The following ATP2B4 variants were observed in gnomAD, a reference collection of about 807,000 sequenced individuals.
ATP2B4 encodes ATPase plasma membrane Ca2+ transporting 4.
In ATP2B4, 39 loss-of-function variants were observed where a neutral mutation model predicts 110.3. The observed-to-expected ratio is 0.35, with a 90% CI of 0.27 to 0.46. The LOEUF is 0.46. ATP2B4 is among the 20% of genes least tolerant of loss of function. The pLI is 1.00. For missense variants in ATP2B4, 1,135 were observed against 1,530.9 expected, an observed-to-expected ratio of 0.74 and a Z score of 4.32; for synonymous variants, 538 against 571.7, an observed-to-expected ratio of 0.94 and a Z score of 0.84.
rs543147101 is a variant in ATP2B4, at chr1:203,655,642, T to A, written c.-464-27100T>A. 1.2e-4 allele frequency among the ~76,000 whole-genome samples: 18 copies of A among 151,714 alleles called. No individual in the cohort carries two copies. In the East Asian group the frequency reaches 3.1e-3, roughly 26 times the overall value. ...GCCTGGGCAACATAGCAAGACTCCA[T>A]CTCAAATAATAATAATAATAATAAA... On this transcript the variant is annotated intron_variant, in intron 1 of 20. Transcript: ENST00000357681.
At chr1:203,717,650 ATTTAT>A (rs1666199456) in intron 15 of ATP2B4, among the ~76,000 whole-genome samples, 1 of 150,530 alleles carries the variant, frequency 6.6e-6, no homozygotes, top group African/African-American at 2.4e-5. Context: ...TTATTTATTT[ATTTAT>A]TTATGAGACG....
chr1:203,700,293 T>C lies in ATP2B4; in HGVS notation c.737T>C (p.Val246Ala). 6.2e-7 allele frequency: 1 copy of C among 1,613,994 alleles called. No individual in the cohort carries two copies. Among genetic ancestry groups the C allele is most frequent in the East Asian group, 2.2e-5 (1 of 44,876 alleles). ...TCTCTGACAGGGGAATCTGACCATGTCAAGAAGTCCCTGGACAAAGACCCC... is the reference window on the plus strand; with the variant it reads ...TCTCTGACAGGGGAATCTGACCATGCCAAGAAGTCCCTGGACAAAGACCCC... Reference protein sequence around the residue: ...ESSLTGESDHVKKSLDKDPML... With the variant: ...ESSLTGESDHAKKSLDKDPML... Residue 246 changes from valine (V) to alanine (A), a missense_variant, in exon 5 of 21, where the codon GTC (valine) becomes GCC (alanine). Val to Ala is a moderately conservative substitution (Grantham distance 64). Coordinates refer to ENST00000357681, the MANE Select transcript of ATP2B4 (RefSeq NM_001684.5).
intron 2 of ATP2B4, among the ~76,000 whole-genome samples, chr1:203,689,720 C>T (rs1558035209): frequency 6.6e-6 from 1 of 152,314 alleles, no homozygotes; most frequent in South Asian, 2.1e-4. Flanking sequence ...ATGACAGGTG[C>T]AGTGCCTCCT....
At chr1:203,681,539 A>T (rs1445711621) in intron 1 of ATP2B4, among the ~76,000 whole-genome samples, 1 of 152,118 alleles carries the variant, frequency 6.6e-6, no homozygotes, top group East Asian at 1.9e-4. Flanking sequence ...GTCCCTTCAC[A>T]TTTAAAAGGC....
chr1:203,640,356 C>A (rs552829881), intron 1 of ATP2B4, among the ~76,000 whole-genome samples: 1 of 152,202 alleles, frequency 6.6e-6, no homozygotes, highest in African/African-American at 2.4e-5. Flanking sequence ...TCACTCCCAT[C>A]GCCCAGGCTG....
intron 2 of ATP2B4, among the ~76,000 whole-genome samples, chr1:203,692,647 G>A (rs1270690529): frequency 6.6e-6 from 1 of 152,188 alleles, no homozygotes; most frequent in African/African-American, 2.4e-5. Flanking sequence ...AGACAGCTGG[G>A]AAGTCCCTCC....
chr1:203,635,249 C>T (rs373514954), intron 1 of ATP2B4, among the ~76,000 whole-genome samples: 6 of 152,198 alleles, frequency 3.9e-5, no homozygotes, highest in Admixed American at 6.5e-5. Context: ...GCTGGGATTG[C>T]AGGTTTGAGC....
In ATP2B4 at chr1:203,672,324, C is replaced by CTT. The variant is rs57144862; in HGVS notation, c.-464-10387_-464-10386dup. ...TGTTCCTGAGTAAGTTGCGGTGGCT[C>CTT]TTTTTTTTTTTTTTTTTTTTTTTTT... On this transcript the variant is annotated intron_variant, in intron 1 of 20. Coordinates refer to ENST00000357681, the MANE Select transcript of ATP2B4 (RefSeq NM_001684.5). Among the ~76,000 whole-genome samples, 227 of 79,518 alleles carry CTT rather than the reference C, an allele frequency of 2.9e-3. 5 individuals are homozygous for CTT. Among genetic ancestry groups the CTT allele is most frequent in the African/African-American group, 8.1e-3 (141 of 17,396 alleles). The allele number at this position is 79,518 out of a possible 152,430, so 52.2% of individuals were successfully genotyped here.
At chr1:203,677,291 TC>T (rs1664856206) in intron 1 of ATP2B4, among the ~76,000 whole-genome samples, 1 of 152,140 alleles carries the variant, frequency 6.6e-6, no homozygotes, top group Admixed American at 6.5e-5. Flanking sequence ...CTAGTATGAC[TC>T]CTAGCACATG....
chr1:203,698,106 T>C (rs956216342), intron 2 of ATP2B4, 51 bp from the exon 3 acceptor site: 1 of 1,572,676 alleles, frequency 6.4e-7, no homozygotes, highest in Non-Finnish European at 8.7e-7. Context: ...CTGCCTTTTA[T>C]CATTTTCCTT....
intron 2 of ATP2B4, among the ~76,000 whole-genome samples, chr1:203,691,724 CTG>C (rs140196089): frequency 0.012 from 1,885 of 152,290 alleles, 46 homozygotes; most frequent in African/African-American, 0.043. Flanking sequence ...GTGTATTAAA[CTG>C]GAGGTGCTGA....
In ATP2B4 at chr1:203,707,172, G is replaced by T. The variant is rs749276236; in HGVS notation, c.1263G>T (p.Val421=). Residue 421 remains valine (V), a synonymous_variant, in exon 9 of 21, where the codon GTG becomes GTT. Coordinates refer to ENST00000357681, the MANE Select transcript of ATP2B4 (RefSeq NM_001684.5). ...IIGITVLVVA[V]PEGLPLAVTI... is the part of the protein sequence containing the mutation. ...GCATCACTGTACTGGTGGTGGCTGT[G>T]CCAGAGGGGCTGCCTCTGGCTGTCA... 7 of 1,613,968 alleles carry T rather than the reference G, an allele frequency of 4.3e-6. No individual in the cohort carries two copies.
chr1:203,674,537 G>T (rs1308924157), intron 1 of ATP2B4, among the ~76,000 whole-genome samples: 2 of 150,806 alleles, frequency 1.3e-5, no homozygotes, highest in Non-Finnish European at 2.9e-5. Flanking sequence ...GCAGTGGCAC[G>T]ATCTCAGCTC....
At position 203,721,941 on chromosome 1, in the gene ATP2B4, A is replaced by G. The variant is rs370983249; in HGVS notation, c.2812+531A>G. Among the ~76,000 whole-genome samples the G allele has an allele frequency of 1.1e-4, 16 of 152,214 alleles. No homozygotes were observed. In the South Asian group the frequency reaches 2.3e-3, roughly 22 times the overall value. ...CCCCCAGAGTGCTGGGATTACAGGCATGAGCCACCACGCCTGGCTTATTTC... is the reference window on the plus strand; with the variant it reads ...CCCCCAGAGTGCTGGGATTACAGGCGTGAGCCACCACGCCTGGCTTATTTC... On this transcript the variant is annotated intron_variant, in intron 17 of 20. Coordinates refer to ENST00000357681, the MANE Select transcript of ATP2B4 (RefSeq NM_001684.5).
rs1665939965 is a variant in ATP2B4 at position 203,709,405 on chromosome 1, T to C, written c.1662T>C (p.Arg554=). 1 of 1,614,224 alleles carries C rather than the reference T, an allele frequency of 6.2e-7. No homozygotes were observed. Among genetic ancestry groups the C allele is most frequent in the Non-Finnish European group, 8.5e-7 (1 of 1,180,038 alleles). The change falls in exon 11 of 21, where the codon CGT becomes CGC. Residue 554 remains arginine, a synonymous_variant. Transcript: ENST00000357681. ...TGAAGCAGGATTATCAGGCTGTGCG[T>C]AATGAAGTGCCCGAGGAGAAGCTCT... ...TDLKQDYQAV[R]NEVPEEKLYK... is the part of the protein sequence containing the mutation.
At chr1:203,676,850 G>C (rs1271047390) in intron 1 of ATP2B4, among the ~76,000 whole-genome samples, 1 of 152,230 alleles carries the variant, frequency 6.6e-6, no homozygotes, top group South Asian at 2.1e-4. Flanking sequence ...GGGGAAGGGA[G>C]GGTGTCTGCT....
Position 203,709,461 on chromosome 1 carries a change from A to T in ATP2B4, c.1718A>T (p.Lys573Met). 1 of 1,614,206 alleles carries T rather than the reference A, an allele frequency of 6.2e-7. No homozygotes were observed. The highest frequency in any genetic ancestry group is 8.5e-7 in the Non-Finnish European group (1 of 1,180,032). Residue 573 changes from lysine to methionine, a missense_variant, in exon 11 of 21, where the codon AAG becomes ATG. Lys to Met is a moderately conservative substitution (Grantham distance 95, BLOSUM62 -1). Coordinates refer to ENST00000357681, the MANE Select transcript of ATP2B4 (RefSeq NM_001684.5). ...GTGTACACCTTTAACTCAGTGCGCA[A>T]GTCAATGAGCACCGTCATCAGGAAT... is the stretch of plus-strand genomic sequence containing the variant. ...YKVYTFNSVR[K>M]SMSTVIRNPN... is the part of the protein sequence containing the mutation.
At chr1:203,735,002 C>CAAAAAAAAAAAAAAAAAAAA (rs35552196) in intron 20 of ATP2B4, among the ~76,000 whole-genome samples, 2 of 57,132 alleles carry the variant, frequency 3.5e-5, no homozygotes, top group Non-Finnish European at 5.9e-5. Context: ...GACTCCATCT[C>CAAAAAAAAAAAAAAAAAAAA]AAAAAAAAAA....
At chr1:203,634,599 C>G (rs1663380542) in intron 1 of ATP2B4, among the ~76,000 whole-genome samples, 1 of 152,190 alleles carries the variant, frequency 6.6e-6, no homozygotes, top group Non-Finnish European at 1.5e-5. Flanking sequence ...CTTAGCATAT[C>G]TTAGTTTGGG....
Sources: gnomAD v4.1 joint callset for allele counts (sites outside exome capture counted in the v4.1 genomes callset) on GRCh38, gnomAD v4.1.1 for gene constraint, MANE v1.5 for transcripts, NCBI Gene and HGNC (gene_info 2026-07-23, HGNC 2026-07-21) for gene names.